The following BICC1 variants were observed in gnomAD, a reference collection of about 807,000 sequenced individuals.
The protein encoded by BICC1 is protein bicaudal C homolog 1.
In BICC1, 43 loss-of-function variants were observed where a neutral mutation model predicts 111.0. The observed-to-expected ratio is 0.39, with a 90% CI of 0.30 to 0.50. BICC1 has a LOEUF of 0.50. Ranked by LOEUF, BICC1 falls within the 20% of genes least tolerant of loss-of-function variation. The pLI is 0.88. For synonymous variants in BICC1, 467 were observed against 434.4 expected (o/e 1.07, Z -0.93); for missense variants, 1,091 against 1,203.2 (o/e 0.91, Z 1.38).
intron 3 of BICC1, among the ~76,000 whole-genome samples, chr10:58,753,166 G>A (rs914974109): frequency 6.6e-6 from 1 of 151,928 alleles, no homozygotes. Flanking sequence ...TGTTGTTTTT[G>A]TTGTTGTTGT....
intron 19 of BICC1, among the ~76,000 whole-genome samples, chr10:58,818,622 T>C (rs1435143530): frequency 1.3e-5 from 2 of 152,156 alleles, no homozygotes; most frequent in Non-Finnish European, 2.9e-5. Context: ...GTTTAAATGC[T>C]GAGCATTTTT....
chr10:58,589,285 C>T (rs570420941), intron 1 of BICC1, among the ~76,000 whole-genome samples: 2 of 152,222 alleles, frequency 1.3e-5, no homozygotes, highest in East Asian at 1.9e-4. Context: ...CACTCAGGTA[C>T]TTGTCACAGG....
chr10:58,574,565 G>A (rs1248792822), intron 1 of BICC1, among the ~76,000 whole-genome samples: 1 of 151,992 alleles, frequency 6.6e-6, no homozygotes, highest in Admixed American at 6.6e-5. Context: ...TTCACCTTCA[G>A]GAACAGTTTT....
At chr10:58,637,978 T>G (rs1388551680) in intron 2 of BICC1, among the ~76,000 whole-genome samples, 1 of 152,090 alleles carries the variant, frequency 6.6e-6, no homozygotes, top group African/African-American at 2.4e-5. Flanking sequence ...GGACTGATAT[T>G]AGGAAATTAG....
chr10:58,736,959 G>T (rs1052904811), intron 3 of BICC1, among the ~76,000 whole-genome samples: 8 of 151,512 alleles, frequency 5.3e-5, no homozygotes, highest in Non-Finnish European at 1.0e-4. Context: ...TTTGTCTGGG[G>T]CATAGAAATT....
chr10:58,727,101 TA>T (rs1418734163), intron 3 of BICC1, among the ~76,000 whole-genome samples: 2 of 152,282 alleles, frequency 1.3e-5, no homozygotes, highest in Middle Eastern at 3.4e-3. Flanking sequence ...CATTGGCCTT[TA>T]AAAAATGATA....
At chr10:58,823,550 T>A (rs1324428118) in intron 20 of BICC1, 4 of 984,316 alleles carry the variant, frequency 4.1e-6, no homozygotes, top group Non-Finnish European at 4.8e-6. Flanking sequence ...ATCTAGCTGA[T>A]GTGTCTTTTC....
At chr10:58,659,231 T>A (rs1838761916) in intron 2 of BICC1, among the ~76,000 whole-genome samples, 1 of 152,168 alleles carries the variant, frequency 6.6e-6, no homozygotes, top group Non-Finnish European at 1.5e-5. Flanking sequence ...AATCCCATAA[T>A]TGGGTATGTA....
intron 8 of BICC1, among the ~76,000 whole-genome samples, chr10:58,792,584 G>A (rs927956700): frequency 6.6e-6 from 1 of 152,084 alleles, no homozygotes; most frequent in Admixed American, 6.6e-5. Context: ...TCTCATAGGG[G>A]CATGAACCCT....
At chr10:58,642,351 C>T (rs749785042) in intron 2 of BICC1, among the ~76,000 whole-genome samples, 19 of 151,950 alleles carry the variant, frequency 1.3e-4, no homozygotes, top group Non-Finnish European at 2.5e-4. Context: ...AGCTTGTCTT[C>T]CCTGAAATGT....
intron 2 of BICC1, among the ~76,000 whole-genome samples, chr10:58,687,154 G>C (rs921549710): frequency 5.3e-5 from 8 of 152,230 alleles, no homozygotes; most frequent in African/African-American, 1.9e-4. Flanking sequence ...GACCCTGTTT[G>C]CCTGGGTATC....
intron 2 of BICC1, among the ~76,000 whole-genome samples, chr10:58,625,410 A>G (rs1845958906): frequency 6.6e-6 from 1 of 152,212 alleles, no homozygotes; most frequent in African/African-American, 2.4e-5. Context: ...TGTAATCCCA[A>G]TGGTTGGAGA....
At chr10:58,589,724 C>T (rs949577511) in intron 1 of BICC1, among the ~76,000 whole-genome samples, 2 of 152,110 alleles carry the variant, frequency 1.3e-5, no homozygotes, top group African/African-American at 4.8e-5. Context: ...GATCTTCATG[C>T]CTCGGCTCCC....
intron 2 of BICC1, among the ~76,000 whole-genome samples, chr10:58,679,891 A>G (rs923714550): frequency 6.6e-6 from 1 of 152,218 alleles, no homozygotes; most frequent in Non-Finnish European, 1.5e-5. Context: ...AACATATGCA[A>G]ATCAATAAAC....
chr10:58,693,227 A>G (rs1275811533), intron 2 of BICC1, among the ~76,000 whole-genome samples: 1 of 152,164 alleles, frequency 6.6e-6, no homozygotes, highest in Non-Finnish European at 1.5e-5. Flanking sequence ...TCCATGGTGT[A>G]TATGTGCCAC....
chr10:58,648,165 C>G lies in BICC1; in HGVS notation c.237+27264C>G, dbSNP rs193235529. Among the ~76,000 whole-genome samples the G allele has an allele frequency of 3.2e-3, 488 of 152,332 alleles. 4 individuals carry two copies. Among genetic ancestry groups the G allele is most frequent in the Admixed American group, 7.1e-3 (108 of 15,308 alleles). On this transcript the variant is annotated intron_variant, in intron 2 of 20. Transcript: ENST00000373886. ...CATTAGGCATAAGTAAGGGCAGTGT[C>G]TGCTCTTTTGACCAAGACTGTCTCC...
intron 1 of BICC1, among the ~76,000 whole-genome samples, chr10:58,602,114 A>G (rs1252643320): frequency 5.3e-5 from 8 of 152,096 alleles, no homozygotes. Context: ...TAAGAAGAAA[A>G]ATGAGTTTAA....
At chr10:58,562,734 G>A (rs1299197063) in intron 1 of BICC1, among the ~76,000 whole-genome samples, 1 of 120,326 alleles carries the variant, frequency 8.3e-6, no homozygotes, top group African/African-American at 3.1e-5. Flanking sequence ...CTGATTTTAT[G>A]TAGTTTTTGT....
chr10:58,697,927 C>A (rs1564560728), intron 2 of BICC1, among the ~76,000 whole-genome samples: 3 of 152,070 alleles, frequency 2.0e-5, no homozygotes, highest in South Asian at 2.1e-4. Context: ...CCCCCACCTC[C>A]CACCCCCATG....
Sources: gnomAD v4.1 joint callset for allele counts (sites outside exome capture counted in the v4.1 genomes callset) on GRCh38, gnomAD v4.1.1 for gene constraint, MANE v1.5 for transcripts, NCBI Gene and HGNC (gene_info 2026-07-23, HGNC 2026-07-21) for gene names.